DPY19L2: variants seen among roughly 807,000 people sequenced by gnomAD.
DPY19L2 encodes dpy-19 like 2.
In DPY19L2, 34 loss-of-function variants were observed where a neutral mutation model predicts 97.9. The observed-to-expected ratio is 0.35, with a 90% CI of 0.26 to 0.46. The LOEUF (loss-of-function observed/expected upper bound fraction) is 0.46. DPY19L2 is among the 20% of genes least tolerant of loss of function. The probability of loss-of-function intolerance (pLI) is 1.00; values close to 1 mark genes in which losing one functional copy is unlikely to be tolerated. For missense variants in DPY19L2, 623 were observed against 911.4 expected (o/e 0.68, Z 4.07); for synonymous variants, 230 against 307.9 (o/e 0.75, Z 2.65).
chr12:63,593,588 A>G (rs1221915996), intron 16 of DPY19L2, among the ~76,000 whole-genome samples: 4 of 152,108 alleles, frequency 2.6e-5, no homozygotes, highest in Non-Finnish European at 4.4e-5. Context: ...GGAATTGAAC[A>G]ATGAGAACAC....
In DPY19L2 at chr12:63,647,380, A is replaced by C. The variant is rs35082143; in HGVS notation, c.589-15T>G. On this transcript the variant is annotated splice_polypyrimidine_tract_variant and intron_variant, in intron 4 of 21. Coordinates refer to ENST00000324472, the MANE Select transcript of DPY19L2 (RefSeq NM_173812.5). ...GCTATGATTACCTTAAAAAAGATAA[A>C]AACAAAGAGATAATTGAGGTAAATA... 1 of 1,457,260 alleles carries C rather than the reference A, an allele frequency of 6.9e-7. No individual in the cohort carries two copies. The highest frequency in any genetic ancestry group is 1.4e-5 in the African/African-American group (1 of 69,352). 90.3% of individuals were successfully genotyped at this position (1,457,260 alleles called of 1,614,324 possible).
chr12:63,649,953 C>T (rs1249943030), intron 4 of DPY19L2, among the ~76,000 whole-genome samples: 1 of 152,094 alleles, frequency 6.6e-6, no homozygotes, highest in Non-Finnish European at 1.5e-5. Context: ...TCCATCAGCA[C>T]ATCAAAAAGC....
Position 63,574,846 on chromosome 12 carries a change from C to A in DPY19L2, c.1901-3989G>T, listed in dbSNP as rs78910940. ...CAGAGCAAAAGAGAGAGACAGATCC[C>A]TATACAATAATAGCCTGAGACTTCA... On this transcript the variant is annotated intron_variant, in intron 19 of 21. Coordinates refer to ENST00000324472, the MANE Select transcript of DPY19L2 (RefSeq NM_173812.5). 3.3e-5 allele frequency among the ~76,000 whole-genome samples: 5 copies of A among 152,072 alleles called. No individual in the cohort carries two copies. The East Asian group carries it at 9.6e-4, about 29-fold the overall frequency.
intron 16 of DPY19L2, chr12:63,584,251 T>C (rs958322657): frequency 6.5e-6 from 1 of 153,880 alleles, no homozygotes; most frequent in African/African-American, 2.4e-5. Context: ...GCATAAAACT[T>C]TGTAAGCATC....
intron 4 of DPY19L2, among the ~76,000 whole-genome samples, chr12:63,655,801 T>C (rs1204861082): frequency 1.3e-5 from 2 of 152,102 alleles, no homozygotes; most frequent in Non-Finnish European, 2.9e-5. Flanking sequence ...GGCTTTACCA[T>C]GGAGGATGCT....
At chr12:63,603,888 A>G (rs1284473867) in intron 12 of DPY19L2, among the ~76,000 whole-genome samples, 1 of 152,198 alleles carries the variant, frequency 6.6e-6, no homozygotes, top group East Asian at 1.9e-4. Context: ...AAACTATATT[A>G]CAAGGCTGCA....
Position 63,580,746 on chromosome 12 carries a change from G to T in DPY19L2, c.1816C>A (p.Arg606Ser). The change falls in exon 19 of 22, where the codon CGT becomes AGT. Residue 606 changes from arginine (R) to serine (S), a missense_variant. Around this residue, in one of 6 missense-constraint regions of DPY19L2, gnomAD observed 294 missense variants for 446.2 expected, o/e 0.66. Transcript: ENST00000324472. ...VMSIQGYANL[R>S]NQWSIIGEFN... is the part of the protein sequence containing the mutation. ...TCTCCTATTATGCTCCATTGATTAC[G>T]GAGGTTTGCATAACCTTGTATTGAC... is the stretch of plus-strand genomic sequence containing the variant. 6.2e-7 allele frequency: 1 copy of T among 1,613,534 alleles called. No homozygotes were observed. The highest frequency in any genetic ancestry group is 8.5e-7 in the Non-Finnish European group (1 of 1,179,666).
In DPY19L2 at chr12:63,658,546, CTT is replaced by C. The variant is rs562134541; in HGVS notation, c.588+2796_588+2797del. Among the ~76,000 whole-genome samples, 13 of 152,228 alleles carry C rather than the reference CTT, an allele frequency of 8.5e-5. No homozygotes were observed. In the East Asian group the frequency reaches 1.5e-3, roughly 18 times the overall value. ...TATCTTCTCCCAGTTTGTCAACTGT[CTT>C]TTGATTTTATTTCTTTTCTTTTTTA... On this transcript the variant is annotated intron_variant, in intron 4 of 21. Coordinates refer to ENST00000324472, the MANE Select transcript of DPY19L2 (RefSeq NM_173812.5).
intron 15 of DPY19L2, among the ~76,000 whole-genome samples, chr12:63,594,661 T>C (rs1883895813): frequency 6.6e-6 from 1 of 151,822 alleles, no homozygotes; most frequent in Non-Finnish European, 1.5e-5. Flanking sequence ...TCTGTGTGTG[T>C]GTGTGTGTGT....
chr12:63,580,717 A>G lies in DPY19L2; in HGVS notation c.1845T>C (p.Phe615=), dbSNP rs2137359824. ...LRNQWSIIGE[F]NNLPQEELLQ... is the part of the protein sequence containing the mutation. The stretch of plus-strand genomic sequence containing the variant: ...AAAGTTCTTCCTGAGGCAAATTATT[A>G]AATTCTCCTATTATGCTCCATTGAT... Residue 615 remains phenylalanine (F), a synonymous_variant, in exon 19 of 22, where the codon TTT becomes TTC. Coordinates refer to ENST00000324472, the MANE Select transcript of DPY19L2 (RefSeq NM_173812.5). 6.2e-7 allele frequency: 1 copy of G among 1,613,478 alleles called. No homozygotes were observed. Among genetic ancestry groups the G allele is most frequent in the Non-Finnish European group, 8.5e-7 (1 of 1,179,634 alleles).
Position 63,576,726 on chromosome 12 carries a change from A to T in DPY19L2, c.1900+3936T>A, listed in dbSNP as rs532796622. Among the ~76,000 whole-genome samples, 3 of 152,112 alleles carry T rather than the reference A, an allele frequency of 2.0e-5. No homozygotes were observed. The South Asian group carries it at 6.2e-4, about 31-fold the overall frequency. ...CATAAAATTAAATACCTAGAAATTA[A>T]CCAAAGAAATGAAAGATCTCTAGAA... On this transcript the variant is annotated intron_variant, in intron 19 of 21. Coordinates refer to ENST00000324472, the MANE Select transcript of DPY19L2 (RefSeq NM_173812.5).
chr12:63,585,594 A>G (rs1197499435), intron 16 of DPY19L2, among the ~76,000 whole-genome samples: 2 of 152,142 alleles, frequency 1.3e-5, no homozygotes, highest in African/African-American at 4.8e-5. Flanking sequence ...AGATTCCTGT[A>G]GTGAGCTGCA....
At chr12:63,578,764 C>G (rs1393306228) in intron 19 of DPY19L2, among the ~76,000 whole-genome samples, 1 of 152,076 alleles carries the variant, frequency 6.6e-6, no homozygotes, top group Non-Finnish European at 1.5e-5. Flanking sequence ...TTTATGATGA[C>G]AAGCTGTTAA....
intron 11 of DPY19L2, among the ~76,000 whole-genome samples, chr12:63,612,857 T>C (rs1321515949): frequency 6.6e-6 from 1 of 151,948 alleles, no homozygotes; most frequent in East Asian, 1.9e-4. Flanking sequence ...ACAGATACTA[T>C]AGATACATAA....
chr12:63,640,535 A>G (rs968388707), intron 6 of DPY19L2, among the ~76,000 whole-genome samples: 1 of 152,182 alleles, frequency 6.6e-6, no homozygotes, highest in African/African-American at 2.4e-5. Flanking sequence ...AGTTAGTGTC[A>G]GTGGGGAGGG....
At position 63,640,732 on chromosome 12, in the gene DPY19L2, A is replaced by G. The variant is rs185813743; in HGVS notation, c.803+3671T>C. Reference sequence around the variant, plus strand: ...TTTTATATTCCAGGACTATATAACCAATTTAGAGAGACTAGCACCTCTTCG... The same window carrying G: ...TTTTATATTCCAGGACTATATAACCGATTTAGAGAGACTAGCACCTCTTCG... On this transcript the variant is annotated intron_variant, in intron 6 of 21. Transcript: ENST00000324472. Among the ~76,000 whole-genome samples the G allele has an allele frequency of 6.6e-5, 10 of 152,258 alleles. No homozygotes were observed. The East Asian group carries it at 1.7e-3, about 26-fold the overall frequency.
chr12:63,634,818 G>C (rs1298148210), intron 6 of DPY19L2, among the ~76,000 whole-genome samples: 12 of 151,990 alleles, frequency 7.9e-5, no homozygotes, highest in Admixed American at 3.3e-4. Flanking sequence ...CGCAGCTCAA[G>C]GAGGCCTGCC....
At chr12:63,577,755 T>C (rs1880117960) in intron 19 of DPY19L2, among the ~76,000 whole-genome samples, 1 of 152,084 alleles carries the variant, frequency 6.6e-6, no homozygotes, top group Admixed American at 6.5e-5. Flanking sequence ...AAAATGGCTA[T>C]TATTCAAAAG....
At chr12:63,661,993 AT>A (rs1190454738) in intron 3 of DPY19L2, among the ~76,000 whole-genome samples, 1 of 152,178 alleles carries the variant, frequency 6.6e-6, no homozygotes, top group African/African-American at 2.4e-5. Flanking sequence ...GCTCCATCTA[AT>A]CCTCTGTGCA....
Sources: allele counts gnomAD v4.1 joint callset (sites outside exome capture counted in the v4.1 genomes callset), GRCh38; gene constraint gnomAD v4.1.1; regional missense constraint gnomAD v4.1.1; transcripts MANE v1.5; gene names NCBI Gene and HGNC (gene_info 2026-07-23, HGNC 2026-07-21).